Variants in CEP128 observed in about 807,000 individuals in gnomAD.
The protein encoded by CEP128 is centrosomal protein 128kDa.
In CEP128, 132 loss-of-function variants were observed where a neutral mutation model predicts 156.7. That is an observed-to-expected ratio of 0.84 (90% CI 0.73 to 0.97). The LOEUF (loss-of-function observed/expected upper bound fraction) is 0.97. Among genes scored for constraint, CEP128 ranks in the 50% least tolerant of loss-of-function variants. The pLI, the probability that CEP128 is intolerant of heterozygous loss-of-function variation, is 0.00. For synonymous variants in CEP128, 469 were observed against 448.9 expected (o/e 1.04, Z -0.57); for missense variants, 1,252 against 1,281.9 (o/e 0.98, Z 0.36).
At chr14:80,539,723 T>C (rs1488086720) in intron 21 of CEP128, among the ~76,000 whole-genome samples, 1 of 151,952 alleles carries the variant, frequency 6.6e-6, no homozygotes, top group Non-Finnish European at 1.5e-5. Flanking sequence ...CAGCCATATT[T>C]TTCTTCTTGC....
At chr14:80,835,842 A>G (rs969400373) in intron 12 of CEP128, among the ~76,000 whole-genome samples, 1 of 152,106 alleles carries the variant, frequency 6.6e-6, no homozygotes, top group Non-Finnish European at 1.5e-5. Flanking sequence ...AGAATGTGAA[A>G]GACAGAGCAA....
chr14:80,685,943 T>C (rs1043070208), intron 19 of CEP128, among the ~76,000 whole-genome samples: 5 of 152,094 alleles, frequency 3.3e-5, no homozygotes, highest in Admixed American at 1.3e-4. Flanking sequence ...CGTAACATTA[T>C]ATACAAAAAT....
intron 9 of CEP128, among the ~76,000 whole-genome samples, chr14:80,850,746 A>G (rs1424898327): frequency 1.3e-5 from 2 of 152,206 alleles, no homozygotes; most frequent in Non-Finnish European, 2.9e-5. Context: ...AAAGAGGTCT[A>G]CATTTAGAAT....
At chr14:80,630,021 G>C (rs751258435) in intron 19 of CEP128, among the ~76,000 whole-genome samples, 7 of 151,746 alleles carry the variant, frequency 4.6e-5, no homozygotes, top group Middle Eastern at 3.2e-3. Flanking sequence ...TAAAATTTTA[G>C]GATATTTTAA....
intron 9 of CEP128, among the ~76,000 whole-genome samples, chr14:80,860,588 T>C (rs1436851854): frequency 2.0e-5 from 3 of 151,994 alleles, no homozygotes; most frequent in African/African-American, 7.2e-5. Context: ...CCAGATATAA[T>C]TTGCTTTGAG....
At chr14:80,741,542 T>C (rs1447347150) in intron 19 of CEP128, among the ~76,000 whole-genome samples, 1 of 152,136 alleles carries the variant, frequency 6.6e-6, no homozygotes, top group Non-Finnish European at 1.5e-5. Flanking sequence ...CATGGATCTA[T>C]GAATATAGCA....
At chr14:80,639,929 A>G (rs1329504832) in intron 19 of CEP128, among the ~76,000 whole-genome samples, 1 of 152,168 alleles carries the variant, frequency 6.6e-6, no homozygotes, top group Non-Finnish European at 1.5e-5. Flanking sequence ...ACATAATCAA[A>G]TTCTTTCTTA....
At chr14:80,901,072 A>G (rs953410657) in intron 6 of CEP128, among the ~76,000 whole-genome samples, 4 of 151,798 alleles carry the variant, frequency 2.6e-5, no homozygotes, top group Admixed American at 2.0e-4. Flanking sequence ...CGGGCGTGGT[A>G]GCGGGCGCCT....
chr14:80,511,829 T>C (rs1054697021), intron 23 of CEP128, among the ~76,000 whole-genome samples: 9 of 152,224 alleles, frequency 5.9e-5, no homozygotes, highest in African/African-American at 2.2e-4. Flanking sequence ...TAAATTTCTC[T>C]TAGTTTCTTT....
intron 19 of CEP128, among the ~76,000 whole-genome samples, chr14:80,608,031 GTTC>G (rs1892854615): frequency 6.6e-6 from 1 of 152,114 alleles, no homozygotes; most frequent in Non-Finnish European, 1.5e-5. Context: ...GCTGCAACGA[GTTC>G]TTCTGCCTAG....
intron 21 of CEP128, among the ~76,000 whole-genome samples, chr14:80,550,559 T>A (rs543376168): frequency 6.6e-6 from 1 of 152,080 alleles, no homozygotes; most frequent in East Asian, 1.9e-4. Flanking sequence ...AAAGACAGAT[T>A]TTTTCTTGTT....
At chr14:80,602,616 A>G (rs1308880136) in intron 19 of CEP128, among the ~76,000 whole-genome samples, 1 of 152,102 alleles carries the variant, frequency 6.6e-6, no homozygotes, top group Non-Finnish European at 1.5e-5. Flanking sequence ...CTAAAAATAC[A>G]AAAATAATTA....
chr14:80,532,306 A>C (rs969313513), intron 21 of CEP128, among the ~76,000 whole-genome samples: 1 of 151,890 alleles, frequency 6.6e-6, no homozygotes, highest in African/African-American at 2.4e-5. Context: ...GGATCCTCTG[A>C]CCTCAGCCTC....
chr14:80,785,948 A>G (rs561163526), intron 14 of CEP128, among the ~76,000 whole-genome samples: 3 of 152,330 alleles, frequency 2.0e-5, no homozygotes, highest in African/African-American at 7.2e-5. Context: ...CCAATGATAC[A>G]CTTTTAAAAA....
intron 4 of CEP128, among the ~76,000 whole-genome samples, chr14:80,908,197 G>A (rs1398889740): frequency 1.3e-5 from 2 of 151,984 alleles, no homozygotes; most frequent in Non-Finnish European, 2.9e-5. Context: ...GACCCACAGA[G>A]ATCACAAAAT....
chr14:80,900,116 T>C, intron 6 of CEP128, 87 bp from the exon 7 acceptor site: 1 of 803,122 alleles, frequency 1.2e-6, no homozygotes, highest in Non-Finnish European at 2.0e-6. Flanking sequence ...AAGATCTTGT[T>C]CCTTGCAATA....
At chr14:80,677,190 CT>C (rs1335479368) in intron 19 of CEP128, among the ~76,000 whole-genome samples, 2 of 152,136 alleles carry the variant, frequency 1.3e-5, no homozygotes, top group Non-Finnish European at 2.9e-5. Flanking sequence ...TCTTCATAAC[CT>C]GTGTCTTATC....
intron 19 of CEP128, among the ~76,000 whole-genome samples, chr14:80,739,819 C>A (rs1045362792): frequency 2.0e-5 from 3 of 151,992 alleles, no homozygotes; most frequent in African/African-American, 7.2e-5. Context: ...AATATTGCTA[C>A]CATAAAATGT....
chr14:80,612,670 T>C (rs569385694), intron 19 of CEP128, among the ~76,000 whole-genome samples: 74 of 152,024 alleles, frequency 4.9e-4, no homozygotes, highest in African/African-American at 6.5e-4. Flanking sequence ...AGAGGGAAAA[T>C]AGAGTTAGCA....
Sources: gnomAD v4.1 joint callset for allele counts (sites outside exome capture counted in the v4.1 genomes callset) on GRCh38, gnomAD v4.1.1 for gene constraint, MANE v1.5 for transcripts, NCBI Gene and HGNC (gene_info 2026-07-23, HGNC 2026-07-21) for gene names.